Variants in SGCD observed in about 807,000 individuals in gnomAD.
SGCD encodes sarcoglycan delta, also known as delta-sarcoglycan.
SGCD carries 18 observed loss-of-function variants against 36.6 expected under a neutral mutation model. The ratio of observed to expected loss-of-function variants is 0.49; its 90% CI spans 0.34 to 0.73. The LOEUF (loss-of-function observed/expected upper bound fraction) is 0.73. SGCD is among the 30% of genes least tolerant of loss of function. SGCD has a pLI of 0.01. For missense variants in SGCD, 387 were observed against 346.7 expected, an observed-to-expected ratio of 1.12 and a Z score of -0.92; for synonymous variants, 133 against 130.6, an observed-to-expected ratio of 1.02 and a Z score of -0.12.
chr5:155,937,118 T>C (rs1440799085), intron 1 of SGCD, among the ~76,000 whole-genome samples: 1 of 152,152 alleles, frequency 6.6e-6, no homozygotes, highest in Non-Finnish European at 1.5e-5. Flanking sequence ...CAGCCATGAC[T>C]TGGGTGCCTG....
chr5:156,390,734 G>GA (rs961484430), intron 3 of SGCD, among the ~76,000 whole-genome samples: 28 of 149,858 alleles, frequency 1.9e-4, no homozygotes, highest in African/African-American at 5.6e-4. Flanking sequence ...CTATCTCAGG[G>GA]AAAAAAAAAG....
intron 6 of SGCD, among the ~76,000 whole-genome samples, chr5:156,620,642 T>G (rs1026932482): frequency 6.6e-6 from 1 of 152,228 alleles, no homozygotes; most frequent in South Asian, 2.1e-4. Context: ...TGCAAGGGAA[T>G]GAGAAGCAGC....
intron 1 of SGCD, among the ~76,000 whole-genome samples, chr5:156,027,722 C>T (rs1759255121): frequency 6.6e-6 from 1 of 152,098 alleles, no homozygotes; most frequent in African/African-American, 2.4e-5. Context: ...GTACATCAGT[C>T]TACATTCAAC....
At chr5:156,303,599 A>C (rs1229376224) in intron 3 of SGCD, among the ~76,000 whole-genome samples, 1 of 151,478 alleles carries the variant, frequency 6.6e-6, no homozygotes, top group Non-Finnish European at 1.5e-5. Context: ...TGAAGCCAGC[A>C]TAGCCCTAGG....
intron 7 of SGCD, among the ~76,000 whole-genome samples, chr5:156,649,871 T>C (rs910248256): frequency 1.3e-5 from 2 of 152,116 alleles, no homozygotes; most frequent in African/African-American, 4.8e-5. Context: ...TAATAATTTT[T>C]TTTTTAAAAA....
At chr5:156,115,642 G>A (rs1405548479) in intron 1 of SGCD, among the ~76,000 whole-genome samples, 3 of 151,930 alleles carry the variant, frequency 2.0e-5, no homozygotes, top group Non-Finnish European at 4.4e-5. Context: ...GGTATTGTTT[G>A]TAAATCAAGA....
At chr5:156,478,526 G>A (rs1755289458) in intron 3 of SGCD, among the ~76,000 whole-genome samples, 1 of 152,220 alleles carries the variant, frequency 6.6e-6, no homozygotes, top group South Asian at 2.1e-4. Context: ...AGCAGTTTGG[G>A]GGAAACAACA....
At chr5:156,570,719 G>T (rs1043698473) in intron 4 of SGCD, among the ~76,000 whole-genome samples, 1 of 152,076 alleles carries the variant, frequency 6.6e-6, no homozygotes. Flanking sequence ...AGGGTTTATT[G>T]TACAGGTTAT....
chr5:156,511,728 A>T (rs1029264272), intron 4 of SGCD, among the ~76,000 whole-genome samples: 2 of 152,150 alleles, frequency 1.3e-5, no homozygotes, highest in African/African-American at 2.4e-5. Flanking sequence ...TATCATGTTT[A>T]TATGTTTGGA....
At chr5:155,751,239 C>T in the SGCD span, among the ~76,000 whole-genome samples, 1 of 152,094 alleles carries the variant, frequency 6.6e-6, no homozygotes, top group African/African-American at 2.4e-5. Flanking sequence ...TATTGGCTAT[C>T]AGGAGTTTTA....
At chr5:156,231,814 C>T (rs1765028081) in intron 3 of SGCD, among the ~76,000 whole-genome samples, 1 of 152,164 alleles carries the variant, frequency 6.6e-6, no homozygotes, top group African/African-American at 2.4e-5. Context: ...ATCTGCCACT[C>T]AGGAGAAAGG....
intron 3 of SGCD, among the ~76,000 whole-genome samples, chr5:156,392,190 T>C (rs1006596445): frequency 6.6e-6 from 1 of 152,128 alleles, no homozygotes; most frequent in Non-Finnish European, 1.5e-5. Flanking sequence ...AACAAGACAC[T>C]CATATCTACC....
Position 156,377,399 on chromosome 5 carries a change from G to C in SGCD, c.192+32722G>C, listed in dbSNP as rs575499821. On this transcript the variant is annotated intron_variant, in intron 3 of 8. Transcript: ENST00000337851. ...TCTATCCTGCAGGCTAGCCTATTCAGTATTCTCACAACACACTATGTTTTC... is the reference window on the plus strand; with the variant it reads ...TCTATCCTGCAGGCTAGCCTATTCACTATTCTCACAACACACTATGTTTTC... Among the ~76,000 whole-genome samples the C allele has an allele frequency of 4.4e-3, 676 of 152,270 alleles. 3 individuals carry two copies. Among genetic ancestry groups the C allele is most frequent in the Admixed American group, 9.7e-3 (148 of 15,294 alleles).
In SGCD at chr5:156,589,232, G is replaced by A. The variant is rs955284985; in HGVS notation, c.296G>A (p.Gly99Asp). Residue 99 changes from glycine to aspartate, a missense_variant and splice_region_variant, in exon 5 of 9, where the codon GGT becomes GAT. Physicochemically the swap from Gly to Asp is moderately conservative, Grantham distance 94. Coordinates refer to ENST00000337851, the MANE Select transcript of SGCD (RefSeq NM_000337.6). ...LYAKEIQSRP[G>D]NALYFKSARN... ...CTTTCTCTTATTTTCTTATTGCAGG[G>A]TAATGCCCTGTACTTCAAGTCTGCC... 3.2e-6 allele frequency: 5 copies of A among 1,552,236 alleles called. No homozygotes were observed. The African/African-American group carries it at 4.1e-5, about 13-fold the overall frequency.
rs1007305443 is a variant in SGCD, at chr5:156,767,431, T to C, written c.*8041T>C. On this transcript the variant is annotated 3_prime_UTR_variant, in exon 9 of 9. Transcript: ENST00000337851. ...CGCTTCTGAAGAAGCCGGATTCTGA[T>C]GTTCTTAACCAAAATGGTGAGGTCA... 1.3e-5 allele frequency: 2 copies of C among 150,986 alleles called. No homozygotes were observed. The highest frequency in any genetic ancestry group is 2.9e-5 in the Non-Finnish European group (2 of 67,922). 9.4% of individuals were successfully genotyped at this position (150,986 alleles called of 1,614,324 possible). A position where few individuals can be genotyped will look rare whatever the true frequency, so the allele number is the denominator to read the frequency against.
chr5:156,001,580 A>G (rs1275432020), intron 1 of SGCD, among the ~76,000 whole-genome samples: 3 of 152,236 alleles, frequency 2.0e-5, no homozygotes, highest in African/African-American at 7.2e-5. Flanking sequence ...TTGTTTAATG[A>G]ACAGTCCAAT....
chr5:156,370,073 G>A (rs1250618168), intron 3 of SGCD, among the ~76,000 whole-genome samples: 1 of 152,006 alleles, frequency 6.6e-6, no homozygotes, highest in Non-Finnish European at 1.5e-5. Context: ...TGTTCTCAGT[G>A]GGCACCCTCC....
In SGCD at chr5:156,151,055, G is replaced by A. The variant is rs1310779899; in HGVS notation, c.-44+27036G>A. Reference sequence around the variant, plus strand: ...GAATTTAGATTAAGAATAGAGAGGAGCTTATATCATTCAGTAACACATTAA... The same window carrying A: ...GAATTTAGATTAAGAATAGAGAGGAACTTATATCATTCAGTAACACATTAA... On this transcript the variant is annotated intron_variant, in intron 3 of 9. Transcript: ENST00000517913. Among the ~76,000 whole-genome samples, 2 of 151,738 alleles carry A rather than the reference G, an allele frequency of 1.3e-5. 1 individual carries two copies. The highest frequency in any genetic ancestry group is 4.9e-5 in the African/African-American group (2 of 41,014).
chr5:156,018,630 T>C (rs1464496873), intron 1 of SGCD, among the ~76,000 whole-genome samples: 2 of 152,196 alleles, frequency 1.3e-5, no homozygotes, highest in Non-Finnish European at 1.5e-5. Flanking sequence ...CCTCTATCTA[T>C]CCAGTTGATA....
Sources: allele counts gnomAD v4.1 joint callset (sites outside exome capture counted in the v4.1 genomes callset), GRCh38; gene constraint gnomAD v4.1.1; transcripts MANE v1.5; gene names NCBI Gene and HGNC (gene_info 2026-07-23, HGNC 2026-07-21).